The following TGFBI variants were observed in gnomAD, a reference collection of about 807,000 sequenced individuals.
TGFBI encodes transforming growth factor-beta-induced protein ig-h3.
TGFBI carries 50 observed loss-of-function variants against 73.7 expected under a neutral mutation model. The ratio of observed to expected loss-of-function variants is 0.68; its 90% CI spans 0.54 to 0.86. TGFBI has a LOEUF of 0.86. Ranked by LOEUF, TGFBI falls within the 40% of genes least tolerant of loss-of-function variation. TGFBI has a pLI of 0.00. For missense variants in TGFBI, 839 were observed against 877.0 expected (o/e 0.96, Z 0.55); for synonymous variants, 362 against 360.5 (o/e 1.00, Z -0.05).
intron 2 of TGFBI, among the ~76,000 whole-genome samples, chr5:136,042,738 A>T (rs1210500936): frequency 6.6e-6 from 1 of 152,140 alleles, no homozygotes; most frequent in African/African-American, 2.4e-5. Flanking sequence ...ATTTCTAGCA[A>T]AGTGACAGCT....
Position 136,029,017 on chromosome 5 carries a change from G to A in TGFBI, c.-39G>A, listed in dbSNP as rs1473882049. 2.6e-6 allele frequency: 4 copies of A among 1,511,008 alleles called. No homozygotes were observed. The highest frequency in any genetic ancestry group is 3.5e-6 in the Non-Finnish European group (4 of 1,136,656). The allele number at this position is 1,511,008 out of a possible 1,614,324, so 93.6% of individuals were successfully genotyped here. A position where few individuals can be genotyped will look rare whatever the true frequency, so the allele number is the denominator to read the frequency against. On this transcript the variant is annotated 5_prime_UTR_variant, in exon 1 of 17. Coordinates refer to ENST00000442011, the MANE Select transcript of TGFBI (RefSeq NM_000358.3). ...CTTCCCTGGAGCCGCCCGCTTGCCC[G>A]TCGGTCGCTAGCTCGCTCGGTGCGC...
intron 2 of TGFBI, among the ~76,000 whole-genome samples, chr5:136,034,838 C>T (rs1051684280): frequency 6.6e-6 from 1 of 152,216 alleles, no homozygotes; most frequent in African/African-American, 2.4e-5. Flanking sequence ...GACCTTCCTC[C>T]TGTCTCCATA....
chr5:136,057,508 A>C (rs6871571), intron 12 of TGFBI, among the ~76,000 whole-genome samples: 1 of 151,722 alleles, frequency 6.6e-6, no homozygotes, highest in South Asian at 2.1e-4. Context: ...TGGGAGGATT[A>C]AATAGGATGC....
intron 1 of TGFBI, among the ~76,000 whole-genome samples, chr5:136,030,997 A>G (rs528463238): frequency 3.3e-5 from 5 of 152,320 alleles, no homozygotes; most frequent in African/African-American, 1.2e-4. Flanking sequence ...TCTTAAATGC[A>G]GATGCTCTTG....
chr5:136,058,675 C>CA (rs1215362829), intron 12 of TGFBI: 1 of 166,060 alleles, frequency 6.0e-6, no homozygotes, highest in Non-Finnish European at 1.3e-5. Flanking sequence ...TTATAACCGT[C>CA]AGGAGCCATG....
chr5:136,042,623 G>A (rs998037471), intron 2 of TGFBI, among the ~76,000 whole-genome samples: 1 of 152,048 alleles, frequency 6.6e-6, no homozygotes, highest in African/African-American at 2.4e-5. Flanking sequence ...AGGATGGAAG[G>A]AGGACTGGAG....
intron 7 of TGFBI, among the ~76,000 whole-genome samples, chr5:136,052,135 C>T (rs193086452): frequency 4.6e-5 from 7 of 152,362 alleles, no homozygotes; most frequent in Admixed American, 6.5e-5. Context: ...CTGGGCTCTC[C>T]GAGGCAATGG....
chr5:136,063,495 A>C lies in TGFBI; in HGVS notation c.*269A>C. On this transcript the variant is annotated 3_prime_UTR_variant, in exon 17 of 17. Coordinates refer to ENST00000442011, the MANE Select transcript of TGFBI (RefSeq NM_000358.3). The stretch of plus-strand genomic sequence containing the variant: ...TGACATTCACTTCCAGAGAGGACCT[A>C]TCCCAAATGTGGAATTGACTGCCTA... 1 of 444,912 alleles carries C rather than the reference A, an allele frequency of 2.2e-6. No individual in the cohort carries two copies. Among genetic ancestry groups the C allele is most frequent in the Non-Finnish European group, 4.1e-6 (1 of 246,148 alleles). The allele number at this position is 444,912 out of a possible 1,614,324, so 27.6% of individuals were successfully genotyped here. A position where few individuals can be genotyped will look rare whatever the true frequency, so the allele number is the denominator to read the frequency against.
At chr5:136,032,872 A>T (rs1425415674) in intron 1 of TGFBI, among the ~76,000 whole-genome samples, 1 of 152,160 alleles carries the variant, frequency 6.6e-6, no homozygotes, top group Non-Finnish European at 1.5e-5. Flanking sequence ...AAAACATGCA[A>T]AACCAAAATC....
chr5:136,044,728 T>C (rs1751398052), intron 3 of TGFBI: 1 of 152,558 alleles, frequency 6.6e-6, no homozygotes, highest in Admixed American at 6.5e-5. Flanking sequence ...CTTTTAGTGC[T>C]ACACACAAGT....
At chr5:136,040,856 C>T (rs765645153) in intron 2 of TGFBI, among the ~76,000 whole-genome samples, 3 of 152,180 alleles carry the variant, frequency 2.0e-5, no homozygotes, top group Non-Finnish European at 4.4e-5. Context: ...GCATCAGACC[C>T]ATGCCTCTGT....
At chr5:136,062,193 C>T (rs1166173342) in intron 15 of TGFBI, among the ~76,000 whole-genome samples, 6 of 152,136 alleles carry the variant, frequency 3.9e-5, no homozygotes, top group Non-Finnish European at 8.8e-5. Flanking sequence ...CAGGTGGAGC[C>T]TCTTGGGAAT....
At chr5:136,038,737 G>A (rs1182255194) in intron 2 of TGFBI, among the ~76,000 whole-genome samples, 1 of 147,216 alleles carries the variant, frequency 6.8e-6, no homozygotes, top group East Asian at 2.0e-4. Flanking sequence ...AAAAAAAGAG[G>A]GAGGCAGTGG....
At chr5:136,032,024 A>G (rs574075653) in intron 1 of TGFBI, among the ~76,000 whole-genome samples, 17 of 152,316 alleles carry the variant, frequency 1.1e-4, no homozygotes, top group Non-Finnish European at 2.2e-4. Flanking sequence ...TTCCTGCTTG[A>G]TCAGATTGAA....
In TGFBI at chr5:136,061,541, G is replaced by A. The variant is rs1368734230; in HGVS notation, c.1948G>A (p.Ala650Thr). The A allele has an allele frequency of 4.3e-6, 7 of 1,612,416 alleles. No homozygotes were observed. In the Admixed American group the frequency reaches 6.7e-5, roughly 15 times the overall value. ...QERGDELADS[A>T]LEIFKQASAF... ...AAGAGGGGATGAACTTGCAGACTCT[G>A]CGCTTGAGATCTTCAAACAAGCATC... The change falls in exon 15 of 17, where the codon GCG becomes ACG. Residue 650 changes from alanine to threonine, a missense_variant. Transcript: ENST00000442011.
intron 2 of TGFBI, among the ~76,000 whole-genome samples, chr5:136,037,745 G>C (rs1751253659): frequency 6.6e-6 from 1 of 152,198 alleles, no homozygotes. Flanking sequence ...TTGCCCAGGG[G>C]CAAAAATATT....
At chr5:136,053,650 G>C (rs182089109) in intron 8 of TGFBI, among the ~76,000 whole-genome samples, 13 of 152,370 alleles carry the variant, frequency 8.5e-5, no homozygotes, top group Admixed American at 2.6e-4. Flanking sequence ...CACACAGACT[G>C]TCTTTCTTCC....
chr5:136,053,088 C>G lies in TGFBI; in HGVS notation c.1095C>G (p.His365Gln). The part of the protein sequence containing the change: ...KDILATNGVI[H>Q]YIDELLIPDS... ...TCCTAGCCACCAACGGGGTGATCCA[C>G]TACATTGATGAGCTACTCATCCCAG... Residue 365 changes from histidine to glutamine, a missense_variant, in exon 8 of 17, where the codon CAC becomes CAG. Physicochemically the swap from His to Gln is conservative, Grantham distance 24. Transcript: ENST00000442011. The G allele has an allele frequency of 6.2e-7, 1 of 1,614,070 alleles. No individual in the cohort carries two copies. Among genetic ancestry groups the G allele is most frequent in the Non-Finnish European group, 8.5e-7 (1 of 1,179,908 alleles).
At chr5:136,053,862 G>GT in intron 8 of TGFBI, 81 bp from the exon 9 acceptor site, 1 of 1,584,614 alleles carries the variant, frequency 6.3e-7, no homozygotes, top group Admixed American at 1.7e-5. Flanking sequence ...TCCTGCTGAT[G>GT]TGTGTCATGC....
Sources: allele counts gnomAD v4.1 joint callset (sites outside exome capture counted in the v4.1 genomes callset), GRCh38; gene constraint gnomAD v4.1.1; transcripts MANE v1.5; gene names NCBI Gene and HGNC (gene_info 2026-07-23, HGNC 2026-07-21).